The following BCL2 variants were observed in gnomAD, a reference collection of about 807,000 sequenced individuals.
The protein encoded by BCL2 is apoptosis regulator Bcl-2.
A neutral mutation model predicts 14.2 loss-of-function variants in BCL2; 1 was observed. The observed-to-expected ratio is 0.07, with a 90% CI of 0.02 to 0.33. BCL2 has a LOEUF of 0.33. BCL2 is among the 10% of genes least tolerant of loss of function. The probability of loss-of-function intolerance (pLI) is 0.99; values close to 1 mark genes in which losing one functional copy is unlikely to be tolerated. For missense variants in BCL2, 247 were observed against 305.9 expected, an observed-to-expected ratio of 0.81 and a Z score of 1.44; for synonymous variants, 151 against 137.2, an observed-to-expected ratio of 1.10 and a Z score of -0.70.
At chr18:63,256,512 C>T (rs568212481) in intron 2 of BCL2, among the ~76,000 whole-genome samples, 5 of 152,156 alleles carry the variant, frequency 3.3e-5, no homozygotes, top group East Asian at 1.9e-4. Flanking sequence ...CCACCATGCC[C>T]GGCCAACTTT....
chr18:63,225,458 A>T lies in BCL2; in HGVS notation c.585+92624T>A, dbSNP rs545663019. 2.0e-5 allele frequency among the ~76,000 whole-genome samples: 3 copies of T among 152,362 alleles called. No individual in the cohort carries two copies. The East Asian group carries it at 5.8e-4, about 29-fold the overall frequency. ...CTAGAAGAAAAAGCTAAAATATACA[A>T]AGTTATATTCTTTGAGAATAGGGAC... On this transcript the variant is annotated intron_variant, in intron 2 of 2. Coordinates refer to ENST00000333681, the MANE Select transcript of BCL2 (RefSeq NM_000633.3).
At chr18:63,249,165 T>A (rs1438693698) in intron 2 of BCL2, among the ~76,000 whole-genome samples, 1 of 152,188 alleles carries the variant, frequency 6.6e-6, no homozygotes, top group African/African-American at 2.4e-5. Context: ...TCTATTCCCA[T>A]CCTCAGCAAC....
Position 63,199,661 on chromosome 18 carries a change from A to T in BCL2, c.586-70902T>A, listed in dbSNP as rs906642307. On this transcript the variant is annotated intron_variant, in intron 2 of 2. Coordinates refer to ENST00000333681, the MANE Select transcript of BCL2 (RefSeq NM_000633.3). Reference sequence around the variant, plus strand: ...CACACACATACACGCAGACACATGTACACAGACATACACACAGGTACAGAC... The same window carrying T: ...CACACACATACACGCAGACACATGTTCACAGACATACACACAGGTACAGAC... 2.0e-5 allele frequency among the ~76,000 whole-genome samples: 3 copies of T among 152,022 alleles called. 1 individual carries two copies. In the East Asian group the frequency reaches 5.8e-4, roughly 29 times the overall value.
chr18:63,165,629 G>A (rs1915024854), intron 2 of BCL2, among the ~76,000 whole-genome samples: 2 of 152,212 alleles, frequency 1.3e-5, no homozygotes, highest in Non-Finnish European at 2.9e-5. Context: ...GAGCCGTGGA[G>A]AAACTGACTC....
intron 2 of BCL2, among the ~76,000 whole-genome samples, chr18:63,165,794 A>G (rs1389265945): frequency 6.6e-6 from 1 of 152,172 alleles, no homozygotes; most frequent in African/African-American, 2.4e-5. Context: ...GAAGGCTTGC[A>G]GGGGAGGGGG....
intron 2 of BCL2, among the ~76,000 whole-genome samples, chr18:63,177,465 G>A (rs1358103618): frequency 6.6e-6 from 1 of 152,156 alleles, no homozygotes; most frequent in African/African-American, 2.4e-5. Context: ...TATCCCAGGG[G>A]ACCCTGTTGC....
chr18:63,174,330 G>A (rs1020328704), intron 2 of BCL2, among the ~76,000 whole-genome samples: 3 of 152,046 alleles, frequency 2.0e-5, no homozygotes, highest in African/African-American at 7.2e-5. Flanking sequence ...AGAATTTCTA[G>A]TACGCATGGA....
At chr18:63,231,667 A>G (rs544637575) in intron 2 of BCL2, among the ~76,000 whole-genome samples, 1 of 152,108 alleles carries the variant, frequency 6.6e-6, no homozygotes, top group Non-Finnish European at 1.5e-5. Flanking sequence ...GGAAAAAAAA[A>G]TTATAAAACT....
chr18:63,190,561 T>C (rs1158359967), intron 2 of BCL2, among the ~76,000 whole-genome samples: 1 of 152,212 alleles, frequency 6.6e-6, no homozygotes, highest in Non-Finnish European at 1.5e-5. Flanking sequence ...GGGACACAAC[T>C]GCCACCCAGC....
chr18:63,296,725 G>A (rs1338634401), intron 2 of BCL2, among the ~76,000 whole-genome samples: 2 of 152,194 alleles, frequency 1.3e-5, no homozygotes, highest in Non-Finnish European at 2.9e-5. Context: ...CAGCTCAGCA[G>A]ACTGACAATG....
At chr18:63,212,813 T>C (rs1568235682) in intron 2 of BCL2, among the ~76,000 whole-genome samples, 2 of 151,128 alleles carry the variant, frequency 1.3e-5, no homozygotes, top group Admixed American at 6.6e-5. Context: ...AAGGCGGAGG[T>C]TGCAGTGAGC....
chr18:63,264,738 A>C (rs1911768089), intron 2 of BCL2, among the ~76,000 whole-genome samples: 1 of 152,236 alleles, frequency 6.6e-6, no homozygotes, highest in Non-Finnish European at 1.5e-5. Context: ...CATGATTTGG[A>C]ATAATTCCTT....
intron 2 of BCL2, among the ~76,000 whole-genome samples, chr18:63,199,711 GACAC>G (rs1909634412): frequency 6.6e-6 from 1 of 152,044 alleles, no homozygotes; most frequent in East Asian, 1.9e-4. Flanking sequence ...CATATGCACA[GACAC>G]ACAGACACTG....
chr18:63,271,986 T>C (rs1028189561), intron 2 of BCL2, among the ~76,000 whole-genome samples: 1 of 152,198 alleles, frequency 6.6e-6, no homozygotes, highest in Non-Finnish European at 1.5e-5. Context: ...GGAGCTAAAG[T>C]CATGGGGAAG....
chr18:63,156,245 C>A (rs1166455620), intron 2 of BCL2, among the ~76,000 whole-genome samples: 2 of 152,136 alleles, frequency 1.3e-5, no homozygotes, highest in Non-Finnish European at 2.9e-5. Context: ...AAATAAACTG[C>A]AAATAACTTT....
At position 63,125,399 on chromosome 18, in the gene BCL2, C is replaced by T. The variant is rs1913884856; in HGVS notation, c.*3226G>A. 4.5e-6 allele frequency: 1 copy of T among 223,866 alleles called. No homozygotes were observed. Among genetic ancestry groups the T allele is most frequent in the East Asian group, 6.4e-5 (1 of 15,688 alleles). 13.9% of individuals were successfully genotyped at this position (223,866 alleles called of 1,614,324 possible). A position where few individuals can be genotyped will look rare whatever the true frequency, so the allele number is the denominator to read the frequency against. On this transcript the variant is annotated 3_prime_UTR_variant, in exon 3 of 3. Coordinates refer to ENST00000333681, the MANE Select transcript of BCL2 (RefSeq NM_000633.3). ...TAGACCCTGTCAGCTGTCATTCTGG[C>T]CTCTCTTGCGGAGTATTTGTGCAGC... is the stretch of plus-strand genomic sequence containing the variant.
At chr18:63,214,858 G>T (rs1209883228) in intron 2 of BCL2, among the ~76,000 whole-genome samples, 1 of 152,088 alleles carries the variant, frequency 6.6e-6, no homozygotes, top group African/African-American at 2.4e-5. Flanking sequence ...CTACAGGCAT[G>T]TGCCACCATG....
chr18:63,279,819 A>G (rs1049299328), intron 2 of BCL2, among the ~76,000 whole-genome samples: 1 of 152,242 alleles, frequency 6.6e-6, no homozygotes, highest in Non-Finnish European at 1.5e-5. Context: ...ATACACTACA[A>G]TTTCATCTAC....
rs748305332 is a variant in BCL2 at position 63,318,271 on chromosome 18, C to G, written c.396G>C (p.Thr132=). The change falls in exon 2 of 3, where the codon ACG becomes ACC. Residue 132 remains threonine (T), a synonymous_variant. Transcript: ENST00000333681. This position sits in a 1 kb window ranked among gnomAD's most constrained non-coding sequence, Gnocchi z 7.4. ...CGTCCCTGAAGAGCTCCTCCACCAC[C>G]GTGGCAAAGCGTCCCCGCGCGGTGA... ...TPFTARGRFA[T]VVEELFRDGV... is the part of the protein sequence containing the mutation. 1.2e-6 allele frequency: 2 copies of G among 1,614,180 alleles called. No homozygotes were observed. Among genetic ancestry groups the G allele is most frequent in the South Asian group, 2.2e-5 (2 of 91,078 alleles).
Sources: gnomAD v4.1 joint callset for allele counts (sites outside exome capture counted in the v4.1 genomes callset) on GRCh38, gnomAD v4.1.1 for gene constraint, Gnocchi (gnomAD v3.1) non-coding constraint, MANE v1.5 for transcripts, NCBI Gene and HGNC (gene_info 2026-07-23, HGNC 2026-07-21) for gene names.